The following CTNNA3 variants were observed in gnomAD, a reference collection of about 807,000 sequenced individuals.
CTNNA3 encodes the protein catenin alpha-3.
CTNNA3 carries 76 observed loss-of-function variants against 95.7 expected under a neutral mutation model. The observed-to-expected ratio is 0.79, with a 90% confidence interval of 0.66 to 0.96. CTNNA3 has a LOEUF of 0.96. CTNNA3 is among the 40% of genes least tolerant of loss of function. The probability of loss-of-function intolerance (pLI) is 0.00; values close to 1 mark genes in which losing one functional copy is unlikely to be tolerated. For missense variants in CTNNA3, 1,191 were observed against 1,089.8 expected (o/e 1.09, Z -1.31); for synonymous variants, 431 against 374.4 (o/e 1.15, Z -1.74).
chr10:67,090,177 TC>T (rs763616178), intron 7 of CTNNA3, among the ~76,000 whole-genome samples: 14 of 152,168 alleles, frequency 9.2e-5, no homozygotes, highest in Non-Finnish European at 1.9e-4. Context: ...AAGGTTCCTG[TC>T]CCCATCTTGA....
chr10:66,816,807 T>C (rs1842107211), intron 7 of CTNNA3, among the ~76,000 whole-genome samples: 2 of 151,992 alleles, frequency 1.3e-5, no homozygotes, highest in Non-Finnish European at 2.9e-5. Flanking sequence ...CTTAAAAGGA[T>C]TTAAATAATA....
intron 3 of CTNNA3, among the ~76,000 whole-genome samples, chr10:67,564,648 T>C (rs1364245723): frequency 7.8e-6 from 1 of 128,484 alleles, no homozygotes; most frequent in Non-Finnish European, 1.6e-5. Context: ...ATAACAACTG[T>C]ATATATATGC....
intron 7 of CTNNA3, among the ~76,000 whole-genome samples, chr10:67,094,468 G>A (rs147191223): frequency 6.6e-6 from 1 of 151,544 alleles, no homozygotes; most frequent in Non-Finnish European, 1.5e-5. Flanking sequence ...TAGTAATTGG[G>A]GGAACAGTGT....
intron 11 of CTNNA3, among the ~76,000 whole-genome samples, chr10:66,461,841 C>T (rs1396247532): frequency 6.9e-6 from 1 of 144,504 alleles, no homozygotes; most frequent in African/African-American, 2.6e-5. Flanking sequence ...GAGATGGAGT[C>T]TCCTTCTGTC....
chr10:67,605,694 T>C (rs1157720504), intron 3 of CTNNA3, among the ~76,000 whole-genome samples: 2 of 152,040 alleles, frequency 1.3e-5, no homozygotes, highest in African/African-American at 2.4e-5. Flanking sequence ...ATTTTTTTTT[T>C]TGAGACGAAG....
At chr10:66,848,375 A>C (rs1380591568) in intron 7 of CTNNA3, among the ~76,000 whole-genome samples, 2 of 152,178 alleles carry the variant, frequency 1.3e-5, no homozygotes, top group African/African-American at 2.4e-5. Context: ...TTTTAGTGAT[A>C]TGAGACAGAG....
chr10:66,255,455 G>T (rs2090730811), intron 13 of CTNNA3, among the ~76,000 whole-genome samples: 1 of 152,078 alleles, frequency 6.6e-6, no homozygotes, highest in African/African-American at 2.4e-5. Flanking sequence ...CATATGTTCA[G>T]GTCTTTTGGG....
At chr10:66,143,975 T>C (rs2083745630) in intron 13 of CTNNA3, among the ~76,000 whole-genome samples, 1 of 152,260 alleles carries the variant, frequency 6.6e-6, no homozygotes, top group South Asian at 2.1e-4. Flanking sequence ...TATGTCATAG[T>C]ATAATCTAAT....
intron 1 of CTNNA3, among the ~76,000 whole-genome samples, chr10:67,676,583 CAGAG>C (rs938993232): frequency 2.6e-5 from 4 of 152,132 alleles, no homozygotes; most frequent in African/African-American, 9.7e-5. Flanking sequence ...TCACATGCCA[CAGAG>C]AAAGAAAGGC....
chr10:66,440,791 C>A (rs2093369640), intron 11 of CTNNA3, among the ~76,000 whole-genome samples: 1 of 152,048 alleles, frequency 6.6e-6, no homozygotes, highest in East Asian at 1.9e-4. Context: ...TCTTGTTTAT[C>A]AGTTGAGTAA....
At chr10:67,044,209 T>A (rs1188705731) in intron 7 of CTNNA3, among the ~76,000 whole-genome samples, 2 of 152,090 alleles carry the variant, frequency 1.3e-5, no homozygotes, top group African/African-American at 2.4e-5. Context: ...AGAAAAAATA[T>A]GGCTGCAACA....
At chr10:67,127,892 GCA>G in intron 7 of CTNNA3, among the ~76,000 whole-genome samples, 1 of 152,052 alleles carries the variant, frequency 6.6e-6, no homozygotes, top group African/African-American at 2.4e-5. Flanking sequence ...GTGTGTGTGT[GCA>G]TGTGCGTGCA....
At chr10:66,484,827 C>T (rs180810502) in intron 11 of CTNNA3, among the ~76,000 whole-genome samples, 2 of 151,970 alleles carry the variant, frequency 1.3e-5, no homozygotes, top group Admixed American at 1.3e-4. Context: ...TATAAAAATC[C>T]TCAACAAAAT....
intron 15 of CTNNA3, among the ~76,000 whole-genome samples, chr10:66,055,427 A>G (rs1022688478): frequency 6.6e-6 from 1 of 151,840 alleles, no homozygotes; most frequent in Non-Finnish European, 1.5e-5. Flanking sequence ...TTGTACAGAT[A>G]TTTCACTTCT....
chr10:65,958,252 T>G (rs2077772197), intron 17 of CTNNA3, among the ~76,000 whole-genome samples: 1 of 152,170 alleles, frequency 6.6e-6, no homozygotes, highest in African/African-American at 2.4e-5. Flanking sequence ...TTTAAGGTCT[T>G]CTCTATGCTG....
chr10:66,813,578 A>G (rs1052056529), intron 7 of CTNNA3, among the ~76,000 whole-genome samples: 1 of 152,104 alleles, frequency 6.6e-6, no homozygotes, highest in Admixed American at 6.6e-5. Flanking sequence ...ATTCAATAAA[A>G]TTTTTCTGGA....
chr10:66,339,936 A>G (rs1274526909), intron 12 of CTNNA3, among the ~76,000 whole-genome samples: 1 of 151,800 alleles, frequency 6.6e-6, no homozygotes, highest in Non-Finnish European at 1.5e-5. Flanking sequence ...AATCCCATGG[A>G]TCTCATCTTT....
intron 3 of CTNNA3, among the ~76,000 whole-genome samples, chr10:67,585,345 C>T (rs1178401080): frequency 6.6e-6 from 1 of 152,120 alleles, no homozygotes; most frequent in Non-Finnish European, 1.5e-5. Context: ...ATAATACTGG[C>T]CTCAAAGAAT....
intron 1 of CTNNA3, among the ~76,000 whole-genome samples, chr10:67,705,879 C>T (rs1841075944): frequency 1.3e-5 from 2 of 152,024 alleles, no homozygotes; most frequent in African/African-American, 2.4e-5. Context: ...TTGCCCACAG[C>T]TTGCAGAGTC....
Sources: allele counts gnomAD v4.1 joint callset (sites outside exome capture counted in the v4.1 genomes callset), GRCh38; gene constraint gnomAD v4.1.1; transcripts MANE v1.5; gene names NCBI Gene and HGNC (gene_info 2026-07-23, HGNC 2026-07-21).